The following KIF7 variants were observed in gnomAD, a reference collection of about 807,000 sequenced individuals.
KIF7 encodes kinesin family member 7.
In KIF7, 104 loss-of-function variants were observed where a neutral mutation model predicts 135.7. The observed-to-expected ratio is 0.77, with a 90% CI of 0.65 to 0.90. The LOEUF (loss-of-function observed/expected upper bound fraction) is 0.90, where lower values mean the gene tolerates loss of function less well. Among genes scored for constraint, KIF7 ranks in the 40% least tolerant of loss-of-function variants. KIF7 has a pLI of 0.00. For synonymous variants in KIF7, 883 were observed against 809.4 expected (o/e 1.09, Z -1.54); for missense variants, 2,005 against 1,839.1 (o/e 1.09, Z -1.65).
chr15:89,651,049 A>C (rs1431970555), intron 2 of KIF7, among the ~76,000 whole-genome samples: 2 of 152,124 alleles, frequency 1.3e-5, no homozygotes, highest in Admixed American at 6.6e-5. Flanking sequence ...CTCCTGCCTC[A>C]GCCTCCTGAG....
chr15:89,628,076 C>T lies in KIF7; in HGVS notation c.*343G>A. 1 of 246,978 alleles carries T rather than the reference C, an allele frequency of 4.0e-6. No individual in the cohort carries two copies. Among genetic ancestry groups the T allele is most frequent in the Non-Finnish European group, 7.7e-6 (1 of 129,472 alleles). The allele number at this position is 246,978 out of a possible 1,614,324, so 15.3% of individuals were successfully genotyped here. On this transcript the variant is annotated 3_prime_UTR_variant, in exon 19 of 19. Coordinates refer to ENST00000394412, the MANE Select transcript of KIF7 (RefSeq NM_198525.3). The stretch of plus-strand genomic sequence containing the variant: ...GACCATTTAAACCACAACCTGGTTA[C>T]CACCGACCCTTTCGTGATGATTCTT...
intron 13 of KIF7, 56 bp downstream of exon 13, chr15:89,633,085 G>A: frequency 3.1e-6 from 5 of 1,600,424 alleles, no homozygotes; most frequent in Middle Eastern, 1.7e-4. Flanking sequence ...GGAGAAAGGT[G>A]CACCCACCAG....
At chr15:89,624,189 A>G, downstream of KIF7, 1 of 1,614,066 alleles carries the variant, frequency 6.2e-7, no homozygotes, top group African/African-American at 1.3e-5. Flanking sequence ...AAACTCCAAA[A>G]AGACCAGGGA....
chr15:89,649,693 GC>G, intron 3 of KIF7, 47 bp downstream of exon 3: 1 of 1,529,512 alleles, frequency 6.5e-7, no homozygotes, highest in Non-Finnish European at 8.8e-7. Flanking sequence ...AACAGGTGAA[GC>G]CCCCCTAAGC....
chr15:89,641,888 C>G, intron 11 of KIF7, among the ~76,000 whole-genome samples: 1 of 152,166 alleles, frequency 6.6e-6, no homozygotes, highest in East Asian at 1.9e-4. Context: ...GAGGGGTAAG[C>G]GAATGGAGAG....
upstream of KIF7, among the ~76,000 whole-genome samples, chr15:89,658,341 T>G (rs747920966): frequency 1.5e-4 from 22 of 151,162 alleles, no homozygotes; most frequent in Non-Finnish European, 1.8e-4. Flanking sequence ...TCCCAACTAC[T>G]CTGGAGGCTG....
chr15:89,621,345 A>G, intron 1 of KIF7: 1 of 1,567,302 alleles, frequency 6.4e-7, no homozygotes, highest in East Asian at 2.2e-5. Flanking sequence ...TATTGGAAGA[A>G]CAGGAATTGA....
At chr15:89,651,680 A>G (rs1256587830) in intron 2 of KIF7, among the ~76,000 whole-genome samples, 10 of 152,202 alleles carry the variant, frequency 6.6e-5, no homozygotes, top group African/African-American at 2.4e-4. Context: ...TATCAAGTAC[A>G]TTTTATTTCG....
chr15:89,618,428 T>A (rs760814567), intron 1 of KIF7, among the ~76,000 whole-genome samples: 1 of 152,204 alleles, frequency 6.6e-6, no homozygotes, highest in Non-Finnish European at 1.5e-5. Flanking sequence ...ACAACAGATA[T>A]GAAATTCAGG....
In KIF7 at chr15:89,630,574, C is replaced by T. The variant is rs991166275; in HGVS notation, c.3112-81G>A. 38 of 1,207,370 alleles carry T rather than the reference C, an allele frequency of 3.1e-5. No individual in the cohort carries two copies. In the East Asian group the frequency reaches 6.8e-4, roughly 22 times the overall value. The allele number at this position is 1,207,370 out of a possible 1,614,324, so 74.8% of individuals were successfully genotyped here. A position where few individuals can be genotyped will look rare whatever the true frequency, so the allele number is the denominator to read the frequency against. On this transcript the variant is annotated intron_variant, in intron 15 of 18. Transcript: ENST00000394412. ...CTGGGCAGACATGCAACAGCCAACA[C>T]GTAGCCACAACTGGGCCTTAAGGGT...
chr15:89,630,172 G>A, intron 16 of KIF7, 115 bp downstream of exon 16: 1 of 992,752 alleles, frequency 1.0e-6, no homozygotes, highest in African/African-American at 1.6e-5. Context: ...AGTTGGTCCT[G>A]ATTCTGTCCC....
In KIF7 at chr15:89,652,945, G is replaced by A. The variant is rs1478010767; in HGVS notation, c.-15C>T. 1 of 1,490,462 alleles carries A rather than the reference G, an allele frequency of 6.7e-7. No individual in the cohort carries two copies. Among genetic ancestry groups the A allele is most frequent in the Non-Finnish European group, 8.9e-7 (1 of 1,117,340 alleles). 92.3% of individuals were successfully genotyped at this position (1,490,462 alleles called of 1,614,324 possible). On this transcript the variant is annotated 5_prime_UTR_variant, in exon 2 of 19. Transcript: ENST00000394412. ...TCCAGCCCCATGCCGAGGGAGGACT[G>A]CTCTGGGCCCTGTGGAGAGAGAGAG...
At chr15:89,656,683 C>T (rs1240323545), upstream of KIF7, among the ~76,000 whole-genome samples, 1 of 152,186 alleles carries the variant, frequency 6.6e-6, no homozygotes, top group Non-Finnish European at 1.5e-5. Context: ...ATTCAGGTAC[C>T]AAGCATCTAT....
At chr15:89,632,575 G>A (rs1963703107) in intron 14 of KIF7, among the ~76,000 whole-genome samples, 1 of 152,180 alleles carries the variant, frequency 6.6e-6, no homozygotes, top group East Asian at 1.9e-4. Flanking sequence ...ATAGAACCCA[G>A]TAGGACAGAG....
chr15:89,625,507 C>T (rs1299012604), downstream of KIF7: 1 of 1,613,886 alleles, frequency 6.2e-7, no homozygotes, highest in Non-Finnish European at 8.5e-7. Flanking sequence ...CCACAGGACG[C>T]CCATCTTGGA....
intron 1 of KIF7, among the ~76,000 whole-genome samples, chr15:89,621,752 G>C: frequency 6.6e-6 from 1 of 152,114 alleles, no homozygotes; most frequent in East Asian, 1.9e-4. Flanking sequence ...AGCCACGGTG[G>C]GGGCGGTGGA....
downstream of KIF7, chr15:89,625,170 C>T (rs1963496751): frequency 2.5e-6 from 4 of 1,613,836 alleles, no homozygotes; most frequent in Non-Finnish European, 2.5e-6. Context: ...CTGAACCCAC[C>T]TATGTGTCAC....
At position 89,633,833 on chromosome 15, in the gene KIF7, G is replaced by C; in HGVS notation, c.2445C>G (p.Ala815=). ...QATERLVSLS[A]QSEKRLQELE... is the part of the protein sequence containing the mutation. ...GCTCCTGCAGTCGCTTCTCACTCTGGGCCGACAGTGACACCAGCCGCTCCG... is the reference window on the plus strand; with the variant it reads ...GCTCCTGCAGTCGCTTCTCACTCTGCGCCGACAGTGACACCAGCCGCTCCG... Residue 815 remains alanine (A), a synonymous_variant, in exon 12 of 19, where the codon GCC becomes GCG. Coordinates refer to ENST00000394412, the MANE Select transcript of KIF7 (RefSeq NM_198525.3). The C allele has an allele frequency of 6.2e-7, 1 of 1,613,446 alleles. No homozygotes were observed. The highest frequency in any genetic ancestry group is 8.5e-7 in the Non-Finnish European group (1 of 1,180,032).
Position 89,629,395 on chromosome 15 carries a change from A to G in KIF7, c.3497T>C (p.Leu1166Pro). The stretch of plus-strand genomic sequence containing the variant: ...CTCACCTCGACTCTGCTGCAGGAGC[A>G]GCTGCATGTTCTGCTCGTGCTCCTT... The part of the protein sequence containing the change: ...QQKEHEQNMQ[L>P]LLQQSRDHLG... Residue 1166 changes from leucine (L) to proline (P), a missense_variant, in exon 17 of 19, where the codon CTG (leucine) becomes CCG (proline). Leu to Pro is a moderately conservative substitution (Grantham distance 98). Transcript: ENST00000394412. 2.5e-6 allele frequency: 4 copies of G among 1,600,930 alleles called. No homozygotes were observed. Among genetic ancestry groups the G allele is most frequent in the Non-Finnish European group, 3.4e-6 (4 of 1,177,494 alleles).
Sources: allele counts gnomAD v4.1 joint callset (sites outside exome capture counted in the v4.1 genomes callset), GRCh38; gene constraint gnomAD v4.1.1; transcripts MANE v1.5; gene names NCBI Gene and HGNC (gene_info 2026-07-23, HGNC 2026-07-21).